The following EXOC6B variants were observed in gnomAD, a reference collection of about 807,000 sequenced individuals.
EXOC6B encodes SEC15 homolog B.
In EXOC6B, 54 loss-of-function variants were observed where a neutral mutation model predicts 113.5. The observed-to-expected ratio is 0.48, with a 90% CI of 0.38 to 0.60. The LOEUF (loss-of-function observed/expected upper bound fraction) is 0.60. EXOC6B is among the 20% of genes least tolerant of loss of function. EXOC6B has a pLI of 0.00. For missense variants in EXOC6B, 797 were observed against 977.5 expected (o/e 0.82, Z 2.46); for synonymous variants, 357 against 339.0 (o/e 1.05, Z -0.58).
At chr2:72,368,524 A>G (rs1690782242) in intron 19 of EXOC6B, among the ~76,000 whole-genome samples, 1 of 152,240 alleles carries the variant, frequency 6.6e-6, no homozygotes. Context: ...TGAGGCCAGC[A>G]TCATCCTGAT....
chr2:72,398,523 C>A (rs1300427048), intron 18 of EXOC6B, among the ~76,000 whole-genome samples: 1 of 151,858 alleles, frequency 6.6e-6, no homozygotes, highest in Non-Finnish European at 1.5e-5. Flanking sequence ...ATGGTGAAAC[C>A]CCGTCTCTAT....
intron 19 of EXOC6B, among the ~76,000 whole-genome samples, chr2:72,343,772 T>A (rs1426465912): frequency 6.6e-6 from 1 of 152,146 alleles, no homozygotes; most frequent in Non-Finnish European, 1.5e-5. Context: ...TTGATAGTTT[T>A]TTCTTCTAGT....
At chr2:72,650,455 G>T (rs1465200905) in intron 6 of EXOC6B, among the ~76,000 whole-genome samples, 1 of 152,092 alleles carries the variant, frequency 6.6e-6, no homozygotes, top group Non-Finnish European at 1.5e-5. Flanking sequence ...CAAAAAACTA[G>T]CCGGGCATGG....
At chr2:72,458,114 C>G (rs1367327144) in intron 18 of EXOC6B, among the ~76,000 whole-genome samples, 2 of 152,126 alleles carry the variant, frequency 1.3e-5, no homozygotes, top group African/African-American at 4.8e-5. Context: ...CCAGTCCTCT[C>G]TATATACATT....
intron 6 of EXOC6B, among the ~76,000 whole-genome samples, chr2:72,689,605 T>C (rs1001607581): frequency 1.3e-5 from 2 of 152,296 alleles, no homozygotes; most frequent in African/African-American, 4.8e-5. Flanking sequence ...GTTGAATCAA[T>C]GCTCCTTTCT....
At chr2:72,669,055 C>G (rs562486721) in intron 6 of EXOC6B, among the ~76,000 whole-genome samples, 1 of 152,140 alleles carries the variant, frequency 6.6e-6, no homozygotes, top group Admixed American at 6.5e-5. Context: ...CTATTGCATT[C>G]TAGCCTGGGT....
At chr2:72,578,498 T>G (rs1255303665) in intron 6 of EXOC6B, among the ~76,000 whole-genome samples, 1 of 152,100 alleles carries the variant, frequency 6.6e-6, no homozygotes, top group Non-Finnish European at 1.5e-5. Context: ...TGCCTCAATC[T>G]AACCCTTCCT....
At chr2:72,234,245 C>A (rs1364256516) in intron 20 of EXOC6B, among the ~76,000 whole-genome samples, 1 of 152,086 alleles carries the variant, frequency 6.6e-6, no homozygotes, top group Non-Finnish European at 1.5e-5. Context: ...GCCACCACAC[C>A]AGCTAATTTT....
At chr2:72,379,419 A>G (rs983739464) in intron 19 of EXOC6B, among the ~76,000 whole-genome samples, 1 of 152,204 alleles carries the variant, frequency 6.6e-6, no homozygotes, top group African/African-American at 2.4e-5. Flanking sequence ...CATTCTTTTG[A>G]AGCCTTTGGA....
intron 8 of EXOC6B, among the ~76,000 whole-genome samples, chr2:72,530,388 C>T (rs1461946137): frequency 6.6e-6 from 1 of 152,078 alleles, no homozygotes; most frequent in East Asian, 1.9e-4. Flanking sequence ...AGTGTATTAT[C>T]TAGTTTCAGT....
intron 1 of EXOC6B, among the ~76,000 whole-genome samples, chr2:72,792,405 G>GT (rs1318085816): frequency 1.3e-5 from 2 of 152,196 alleles, no homozygotes; most frequent in East Asian, 3.8e-4. Flanking sequence ...AATATGCCCA[G>GT]TTAGCATGGC....
At chr2:72,242,031 C>T (rs758574756) in intron 20 of EXOC6B, among the ~76,000 whole-genome samples, 16 of 151,978 alleles carry the variant, frequency 1.1e-4, no homozygotes, top group Non-Finnish European at 1.8e-4. Flanking sequence ...ACCAAGACCT[C>T]GTCTCTACAA....
chr2:72,197,197 A>G (rs185624692), intron 20 of EXOC6B, among the ~76,000 whole-genome samples: 22 of 152,328 alleles, frequency 1.4e-4, no homozygotes, highest in African/African-American at 5.3e-4. Flanking sequence ...TCCCGAGGAA[A>G]ATCAACAGCA....
In EXOC6B at chr2:72,630,614, A is replaced by T. The variant is rs138025054; in HGVS notation, c.670-54946T>A. The stretch of plus-strand genomic sequence containing the variant: ...TGGAATCTCATTCTGAGATCATCAA[A>T]CTTCTATATACCCTTCCACATGATA... On this transcript the variant is annotated intron_variant, in intron 6 of 21. Coordinates refer to ENST00000272427, the MANE Select transcript of EXOC6B (RefSeq NM_015189.3). Among the ~76,000 whole-genome samples the T allele has an allele frequency of 5.2e-4, 79 of 152,158 alleles. 1 individual carries two copies. The East Asian group carries it at 0.015, about 29-fold the overall frequency.
At chr2:72,341,916 T>C (rs1211144815) in intron 19 of EXOC6B, among the ~76,000 whole-genome samples, 1 of 152,030 alleles carries the variant, frequency 6.6e-6, no homozygotes, top group East Asian at 1.9e-4. Flanking sequence ...TAATGGTATA[T>C]AAAACCAGAA....
intron 1 of EXOC6B, among the ~76,000 whole-genome samples, chr2:72,808,743 A>G (rs568120694): frequency 1.3e-5 from 2 of 152,100 alleles, no homozygotes; most frequent in Non-Finnish European, 2.9e-5. Flanking sequence ...TGATCACACC[A>G]CTACAGTCCA....
At chr2:72,720,338 A>T (rs1679913177) in intron 5 of EXOC6B, among the ~76,000 whole-genome samples, 1 of 152,208 alleles carries the variant, frequency 6.6e-6, no homozygotes, top group African/African-American at 2.4e-5. Context: ...GAAGGCCAAC[A>T]TTGTCAGGAC....
chr2:72,399,184 A>C (rs1041154152), intron 18 of EXOC6B, among the ~76,000 whole-genome samples: 2 of 152,210 alleles, frequency 1.3e-5, no homozygotes, highest in Non-Finnish European at 2.9e-5. Context: ...TGATTTGAAA[A>C]AGCATTTGAT....
At chr2:72,410,025 C>G (rs1694065645) in intron 18 of EXOC6B, among the ~76,000 whole-genome samples, 1 of 152,192 alleles carries the variant, frequency 6.6e-6, no homozygotes. Context: ...AAATTGCACA[C>G]AGCTTTTCAA....
Sources: gnomAD v4.1 joint callset for allele counts (sites outside exome capture counted in the v4.1 genomes callset) on GRCh38, gnomAD v4.1.1 for gene constraint, MANE v1.5 for transcripts, NCBI Gene and HGNC (gene_info 2026-07-23, HGNC 2026-07-21) for gene names.